SLC13A3: variants seen among roughly 807,000 people sequenced by gnomAD.
SLC13A3 encodes Na(+)/dicarboxylate cotransporter 3.
Under a neutral mutation model 59.0 loss-of-function variants are expected in SLC13A3, and 40 were observed. That is an observed-to-expected ratio of 0.68 (90% CI 0.53 to 0.88). The LOEUF (loss-of-function observed/expected upper bound fraction) is 0.88. Ranked by LOEUF, SLC13A3 falls within the 40% of genes least tolerant of loss-of-function variation. The probability of loss-of-function intolerance (pLI) is 0.00; values close to 1 mark genes in which losing one functional copy is unlikely to be tolerated. For synonymous variants in SLC13A3, 317 were observed against 330.3 expected (o/e 0.96, Z 0.44); for missense variants, 699 against 783.2 (o/e 0.89, Z 1.28).
At chr20:46,587,428 T>C (rs1167188117) in intron 8 of SLC13A3, among the ~76,000 whole-genome samples, 6 of 152,116 alleles carry the variant, frequency 3.9e-5, no homozygotes, top group Non-Finnish European at 2.9e-5. Flanking sequence ...CCCCTACCTT[T>C]CCTCACCCGC....
intron 3 of SLC13A3, chr20:46,608,932 G>A (rs887700567): frequency 2.8e-5 from 44 of 1,550,778 alleles, no homozygotes; most frequent in Middle Eastern, 3.3e-4. Context: ...GACAGAACCC[G>A]GAAGTTGCAC....
intron 6 of SLC13A3, among the ~76,000 whole-genome samples, chr20:46,589,830 C>T (rs940396430): frequency 6.6e-6 from 1 of 152,124 alleles, no homozygotes. Flanking sequence ...CTACCTCACA[C>T]CAAATACAAA....
At chr20:46,599,897 G>T in intron 4 of SLC13A3, 74 bp downstream of exon 4, 1 of 1,184,750 alleles carries the variant, frequency 8.4e-7, no homozygotes, top group Non-Finnish European at 1.2e-6. Context: ...AAAATGGTTT[G>T]CAGCATTGAA....
At chr20:46,657,731 C>T (rs1459446701) in intron 1 of SLC13A3, among the ~76,000 whole-genome samples, 2 of 152,168 alleles carry the variant, frequency 1.3e-5, no homozygotes, top group Non-Finnish European at 2.9e-5. Context: ...ATGGCGCTGT[C>T]ATCTGCTCAG....
chr20:46,592,372 C>A, intron 6 of SLC13A3, 32 bp downstream of exon 6: 1 of 1,612,434 alleles, frequency 6.2e-7, no homozygotes. Flanking sequence ...CCTGCTTCCC[C>A]ACTCTATTGC....
At chr20:46,632,770 C>A (rs1300300108) in intron 1 of SLC13A3, among the ~76,000 whole-genome samples, 1 of 151,992 alleles carries the variant, frequency 6.6e-6, no homozygotes. Flanking sequence ...AGGCTGGGTG[C>A]AACATATAGC....
At chr20:46,612,641 G>A (rs1183111900) in intron 2 of SLC13A3, among the ~76,000 whole-genome samples, 2 of 152,020 alleles carry the variant, frequency 1.3e-5, no homozygotes, top group African/African-American at 2.4e-5. Flanking sequence ...GCATTTTGCT[G>A]TAGCTGTTGT....
chr20:46,630,461 G>A (rs1341490992), intron 1 of SLC13A3, among the ~76,000 whole-genome samples: 1 of 152,216 alleles, frequency 6.6e-6, no homozygotes, highest in East Asian at 1.9e-4. Flanking sequence ...TCCTGCCCAC[G>A]ATGTGCAGAA....
chr20:46,605,521 CT>C (rs1316286342), intron 3 of SLC13A3, among the ~76,000 whole-genome samples: 2 of 152,158 alleles, frequency 1.3e-5, no homozygotes, highest in Non-Finnish European at 2.9e-5. Flanking sequence ...GGATGGAGAA[CT>C]TTCACATTTA....
At chr20:46,570,860 A>G (rs1486666381) in intron 10 of SLC13A3, among the ~76,000 whole-genome samples, 1 of 152,208 alleles carries the variant, frequency 6.6e-6, no homozygotes, top group Non-Finnish European at 1.5e-5. Flanking sequence ...TCATGTCATT[A>G]GGCTTGTCTG....
chr20:46,638,150 G>T (rs898513930), intron 1 of SLC13A3, among the ~76,000 whole-genome samples: 1 of 152,192 alleles, frequency 6.6e-6, no homozygotes, highest in Admixed American at 6.5e-5. Flanking sequence ...GGCAGAGCAG[G>T]ACTGGCTGCC....
chr20:46,609,952 C>T (rs1051085030), intron 3 of SLC13A3, among the ~76,000 whole-genome samples: 1 of 152,196 alleles, frequency 6.6e-6, no homozygotes, highest in Non-Finnish European at 1.5e-5. Flanking sequence ...TGCACAAGAT[C>T]CTTAAGAAAC....
At chr20:46,653,718 C>T (rs1211958148), upstream of SLC13A3, among the ~76,000 whole-genome samples, 1 of 152,136 alleles carries the variant, frequency 6.6e-6, no homozygotes, top group East Asian at 1.9e-4. Context: ...GAATATTTAT[C>T]CTTTTGTGAT....
chr20:46,594,792 C>G (rs1312147288), intron 5 of SLC13A3, among the ~76,000 whole-genome samples: 1 of 151,006 alleles, frequency 6.6e-6, no homozygotes, highest in Non-Finnish European at 1.5e-5. Flanking sequence ...TTTCCATCAT[C>G]AAATCTTAAA....
At chr20:46,635,317 C>A (rs141339703) in intron 1 of SLC13A3, among the ~76,000 whole-genome samples, 12 of 152,272 alleles carry the variant, frequency 7.9e-5, no homozygotes, top group Non-Finnish European at 1.6e-4. Flanking sequence ...GGAAAGGACC[C>A]AGCCTGGTTA....
At chr20:46,673,218 G>T (rs761144748), upstream of SLC13A3, among the ~76,000 whole-genome samples, 1 of 152,152 alleles carries the variant, frequency 6.6e-6, no homozygotes, top group African/African-American at 2.4e-5. Flanking sequence ...TTTAGCACAG[G>T]ACCAGGTACC....
chr20:46,585,696 C>T lies in SLC13A3; in HGVS notation c.1122-2027G>A, dbSNP rs371238624. The stretch of plus-strand genomic sequence containing the variant: ...AATTAGAGACTGAGATTTAGCTGAT[C>T]TTCACATTTTCTGTATTGTTGAAAT... On this transcript the variant is annotated intron_variant, in intron 8 of 12. Transcript: ENST00000279027. The T allele has an allele frequency of 4.6e-6, 6 of 1,298,176 alleles. No individual in the cohort carries two copies. The African/African-American group carries it at 6.1e-5, about 13-fold the overall frequency. The allele number at this position is 1,298,176 out of a possible 1,614,324, so 80.4% of individuals were successfully genotyped here.
intron 1 of SLC13A3, among the ~76,000 whole-genome samples, chr20:46,632,678 A>G (rs2062751882): frequency 1.3e-5 from 2 of 152,096 alleles, no homozygotes; most frequent in South Asian, 2.1e-4. Context: ...CTGTAAAATG[A>G]GGGTGATGAT....
chr20:46,592,060 A>C (rs963391055), intron 6 of SLC13A3, among the ~76,000 whole-genome samples: 4 of 152,078 alleles, frequency 2.6e-5, no homozygotes, highest in Non-Finnish European at 5.9e-5. Flanking sequence ...TTAAAAAAAA[A>C]AATTTAACCA....
Sources: allele counts gnomAD v4.1 joint callset (sites outside exome capture counted in the v4.1 genomes callset), GRCh38; gene constraint gnomAD v4.1.1; transcripts MANE v1.5; gene names NCBI Gene and HGNC (gene_info 2026-07-23, HGNC 2026-07-21).